Variants in PSME4 observed in about 807,000 individuals in gnomAD.
The protein encoded by PSME4 is proteasome activator complex subunit 4.
In PSME4, 89 loss-of-function variants were observed where a neutral mutation model predicts 253.9. The ratio of observed to expected loss-of-function variants is 0.35; its 90% confidence interval spans 0.30 to 0.42. The LOEUF is 0.42. PSME4 is among the 10% of genes least tolerant of loss of function. The pLI is 1.00. For synonymous variants in PSME4, 851 were observed against 759.2 expected (o/e 1.12, Z -1.99); for missense variants, 2,014 against 2,195.2 (o/e 0.92, Z 1.65).
chr2:53,917,944 A>C lies in PSME4; in HGVS notation c.2516+1207T>G, dbSNP rs116620706. On this transcript the variant is annotated intron_variant, in intron 20 of 46. Coordinates refer to ENST00000404125, the MANE Select transcript of PSME4 (RefSeq NM_014614.3). ...ATTCGGCAAATTCCTAAACACACTT[A>C]TAACAGATTTCCTTACCTGAAATGA... is the stretch of plus-strand genomic sequence containing the variant. Among the ~76,000 whole-genome samples, 1,016 of 152,344 alleles carry C rather than the reference A, an allele frequency of 6.7e-3. 9 individuals carry two copies. The highest frequency in any genetic ancestry group is 0.023 in the African/African-American group (939 of 41,568).
Position 53,866,919 on chromosome 2 carries a change from T to C in PSME4, c.5264-39A>G, listed in dbSNP as rs115139505. On this transcript the variant is annotated intron_variant, in intron 44 of 46. Coordinates refer to ENST00000404125, the MANE Select transcript of PSME4 (RefSeq NM_014614.3). Reference sequence around the variant, plus strand: ...AGCAACATTTGTGCAAATATATATATGTCTCTAATGCACTTGTTACAGTGA... The same window carrying C: ...AGCAACATTTGTGCAAATATATATACGTCTCTAATGCACTTGTTACAGTGA... 5.4e-4 allele frequency: 862 copies of C among 1,592,574 alleles called. 5 individuals are homozygous for C. In the African/African-American group the frequency reaches 0.011, roughly 20 times the overall value.
At chr2:53,940,972 T>TATAC (rs1669412155) in intron 3 of PSME4, among the ~76,000 whole-genome samples, 2 of 63,008 alleles carry the variant, frequency 3.2e-5, no homozygotes, top group South Asian at 7.6e-4. Context: ...TATATATATA[T>TATAC]ATATATATAT....
rs1053155352 is a variant in PSME4 at position 53,864,648 on chromosome 2, A to G, written c.*930T>C. On this transcript the variant is annotated 3_prime_UTR_variant, in exon 47 of 47. Coordinates refer to ENST00000404125, the MANE Select transcript of PSME4 (RefSeq NM_014614.3). ...CTCTACAGTTTATACACTCTTTTAC[A>G]TTTATATAACATATTAAACAAATCA... 1 of 152,626 alleles carries G rather than the reference A, an allele frequency of 6.6e-6. No individual in the cohort carries two copies. The highest frequency in any genetic ancestry group is 1.5e-5 in the Non-Finnish European group (1 of 68,046). The allele number at this position is 152,626 out of a possible 1,614,324, so 9.5% of individuals were successfully genotyped here. A position where few individuals can be genotyped will look rare whatever the true frequency, so the allele number is the denominator to read the frequency against.
chr2:53,923,368 T>C lies in PSME4; in HGVS notation c.1861A>G (p.Arg621Gly). 1 of 1,611,304 alleles carries C rather than the reference T, an allele frequency of 6.2e-7. No homozygotes were observed. The highest frequency in any genetic ancestry group is 8.5e-7 in the Non-Finnish European group (1 of 1,179,268). ...NFSTSHIFET[R>G]VAGRMVADMC... ...TCTGCCACCATGCGACCTGCTACTC[T>C]TGTTTCAAATATATGTGAAGTAGAA... Residue 621 changes from arginine to glycine, a missense_variant, in exon 15 of 47, where the codon AGA becomes GGA. Arg to Gly is a moderately radical substitution (Grantham distance 125, BLOSUM62 -2). Around this residue, in one of 4 missense-constraint regions of PSME4, gnomAD observed 989 missense variants for 1,021.1 expected, o/e 0.97. Coordinates refer to ENST00000404125, the MANE Select transcript of PSME4 (RefSeq NM_014614.3).
chr2:53,929,671 C>G (rs962689332), intron 10 of PSME4, among the ~76,000 whole-genome samples: 5 of 151,658 alleles, frequency 3.3e-5, no homozygotes, highest in African/African-American at 1.2e-4. Flanking sequence ...AACTAAGTGT[C>G]TAAGATTTTT....
intron 24 of PSME4, 95 bp downstream of exon 24, chr2:53,908,225 G>T: frequency 1.4e-5 from 13 of 936,652 alleles, no homozygotes; most frequent in South Asian, 5.9e-5. Context: ...TTCCTTTTAG[G>T]AAAACTTCTT....
At chr2:53,889,914 A>G (rs1200548289) in intron 37 of PSME4, among the ~76,000 whole-genome samples, 190 bp downstream of exon 37, 7 of 152,236 alleles carry the variant, frequency 4.6e-5, no homozygotes, top group African/African-American at 1.7e-4. Flanking sequence ...ACAAACTTTC[A>G]AGATTCAAGA....
intron 20 of PSME4, among the ~76,000 whole-genome samples, chr2:53,915,666 AAGAC>A (rs2104447101): frequency 6.6e-6 from 1 of 152,266 alleles, no homozygotes; most frequent in African/African-American, 2.4e-5. Context: ...CCAGAAGACA[AAGAC>A]TACTAATACA....
intron 24 of PSME4, 113 bp downstream of exon 24, chr2:53,908,207 T>C (rs1021502752): frequency 5.1e-5 from 38 of 742,326 alleles, no homozygotes; most frequent in Non-Finnish European, 7.7e-5. Context: ...CTTTTAAATC[T>C]ACTATTTTTC....
chr2:53,918,294 TTATC>T (rs1459589816), intron 20 of PSME4, among the ~76,000 whole-genome samples: 4 of 152,234 alleles, frequency 2.6e-5, no homozygotes, highest in African/African-American at 4.8e-5. Context: ...ATTTAAATTA[TTATC>T]TATCTGTTTA....
chr2:53,884,535 A>G (rs1679551298), intron 41 of PSME4, among the ~76,000 whole-genome samples: 2 of 152,162 alleles, frequency 1.3e-5, no homozygotes, highest in South Asian at 4.1e-4. Context: ...CTAATGATAT[A>G]AGTTTTTTCA....
chr2:53,926,104 G>T, intron 12 of PSME4, 81 bp from the exon 13 acceptor site: 1 of 1,099,022 alleles, frequency 9.1e-7, no homozygotes, highest in Non-Finnish European at 1.4e-6. Context: ...ATTATTGCCT[G>T]CCAAATGTAT....
At chr2:53,906,730 T>A in intron 25 of PSME4, 37 bp from the exon 26 acceptor site, 1 of 1,594,592 alleles carries the variant, frequency 6.3e-7, no homozygotes, top group Non-Finnish European at 8.5e-7. Flanking sequence ...TAAAATTTGA[T>A]TATGAAAACA....
intron 41 of PSME4, among the ~76,000 whole-genome samples, chr2:53,884,353 G>A (rs1368613146): frequency 6.6e-6 from 1 of 152,182 alleles, no homozygotes; most frequent in Non-Finnish European, 1.5e-5. Flanking sequence ...TGGGACTACA[G>A]GCGTGCGCCA....
chr2:53,892,736 G>T, intron 36 of PSME4, 72 bp downstream of exon 36: 1 of 1,400,506 alleles, frequency 7.1e-7, no homozygotes, highest in Non-Finnish European at 9.8e-7. Context: ...TATCTAATGT[G>T]TTGGGAATTG....
At position 53,917,632 on chromosome 2, in the gene PSME4, G is replaced by A. The variant is rs915109388; in HGVS notation, c.2516+1519C>T. Among the ~76,000 whole-genome samples, 20 of 152,144 alleles carry A rather than the reference G, an allele frequency of 1.3e-4. 1 individual carries two copies. The highest frequency in any genetic ancestry group is 1.3e-3 in the Admixed American group (20 of 15,282). ...TGCTTTTGCTCTTAGATAAATTATT[G>A]GATTAAATGACCACAATTCTAATTG... On this transcript the variant is annotated intron_variant, in intron 20 of 46. Transcript: ENST00000404125.
intron 11 of PSME4, 103 bp downstream of exon 11, chr2:53,928,014 A>G (rs1433817644): frequency 1.4e-6 from 1 of 726,142 alleles, no homozygotes; most frequent in Non-Finnish European, 2.2e-6. Flanking sequence ...TTATTTTCAT[A>G]TTTATATTAG....
At chr2:53,912,454 G>C (rs1430099987) in intron 20 of PSME4, among the ~76,000 whole-genome samples, 1 of 152,088 alleles carries the variant, frequency 6.6e-6, no homozygotes, top group East Asian at 1.9e-4. Flanking sequence ...AGCAAGTGTA[G>C]CTATTTATTT....
At chr2:53,959,215 T>G (rs1483111696) in intron 1 of PSME4, among the ~76,000 whole-genome samples, 1 of 152,126 alleles carries the variant, frequency 6.6e-6, no homozygotes. Flanking sequence ...TTATTAATTA[T>G]TTTGTATGTA....
Sources: gnomAD v4.1 joint callset for allele counts (sites outside exome capture counted in the v4.1 genomes callset) on GRCh38, gnomAD v4.1.1 for gene constraint, gnomAD v4.1.1 regional missense constraint, MANE v1.5 for transcripts, NCBI Gene and HGNC (gene_info 2026-07-23, HGNC 2026-07-21) for gene names.